The following BICD1 variants were observed in gnomAD, a reference collection of about 807,000 sequenced individuals.
The protein encoded by BICD1 is protein bicaudal D homolog 1.
In BICD1, 35 loss-of-function variants were observed where a neutral mutation model predicts 92.5. The ratio of observed to expected loss-of-function variants is 0.38; its 90% confidence interval spans 0.29 to 0.50. BICD1 has a LOEUF of 0.50. Among genes scored for constraint, BICD1 ranks in the 20% least tolerant of loss-of-function variants. The pLI is 0.93. For synonymous variants in BICD1, 429 were observed against 465.1 expected (o/e 0.92, Z 1.00); for missense variants, 950 against 1,189.8 (o/e 0.80, Z 2.97).
At chr12:32,346,584 GTGTATA>G (rs1180470824) in intron 8 of BICD1, among the ~76,000 whole-genome samples, 4 of 2,444 alleles carry the variant, frequency 1.6e-3, no homozygotes, top group African/African-American at 3.6e-3. Flanking sequence ...ATATATATAC[GTGTATA>G]TATATATATA....
intron 2 of BICD1, among the ~76,000 whole-genome samples, chr12:32,267,796 T>C (rs1947038773): frequency 6.6e-6 from 1 of 152,204 alleles, no homozygotes; most frequent in Non-Finnish European, 1.5e-5. Flanking sequence ...ATTGTCTGAC[T>C]ATCCTTTTTA....
intron 3 of BICD1, 64 bp downstream of exon 3, chr12:32,294,210 A>G (rs1360631248): frequency 9.8e-6 from 14 of 1,431,308 alleles, no homozygotes; most frequent in Non-Finnish European, 1.2e-5. Context: ...CACTAGGGTT[A>G]AATCTCCAAA....
At chr12:32,107,892 T>G in intron 1 of BICD1, 2 of 590,616 alleles carry the variant, frequency 3.4e-6, no homozygotes, top group Non-Finnish European at 6.0e-6. Flanking sequence ...CAAACCCAGG[T>G]TTCAGCGACA....
chr12:32,314,860 C>T (rs11051925), intron 4 of BICD1, among the ~76,000 whole-genome samples: 37,827 of 151,782 alleles, frequency 0.25, 5,134 homozygotes, highest in East Asian at 0.59. Flanking sequence ...AGCCTCAAAC[C>T]CCTGGACTCT....
intron 2 of BICD1, among the ~76,000 whole-genome samples, chr12:32,255,038 C>T (rs1163068664): frequency 3.9e-5 from 6 of 152,066 alleles, no homozygotes; most frequent in Admixed American, 2.6e-4. Flanking sequence ...ATTGATTTCT[C>T]ACAGTTCTGG....
chr12:32,372,393 T>C (rs1050218970), intron 9 of BICD1, among the ~76,000 whole-genome samples: 3 of 152,024 alleles, frequency 2.0e-5, no homozygotes, highest in African/African-American at 7.3e-5. Flanking sequence ...GGCAGGAGAA[T>C]CACTTGGAAC....
chr12:32,256,044 ATTG>A (rs1233822749), intron 2 of BICD1, among the ~76,000 whole-genome samples: 1 of 151,912 alleles, frequency 6.6e-6, no homozygotes, highest in Non-Finnish European at 1.5e-5. Context: ...TATTATAATT[ATTG>A]TTATTTTATT....
rs1555171213 is a variant in BICD1, at chr12:32,346,522, AT to A, written c.2764+7544del. ...ACAGAGTGAGACCCTGTCAAAAAAA[AT>A]ATATATATACGTGTATATATATATA... On this transcript the variant is annotated intron_variant, in intron 8 of 9. Transcript: ENST00000652176. Among the ~76,000 whole-genome samples, 625 of 102,458 alleles carry A rather than the reference AT, an allele frequency of 6.1e-3. 7 individuals carry two copies. Among genetic ancestry groups the A allele is most frequent in the Non-Finnish European group, 9.2e-3 (456 of 49,466 alleles). 67.2% of individuals were successfully genotyped at this position (102,458 alleles called of 152,430 possible). A position where few individuals can be genotyped will look rare whatever the true frequency, so the allele number is the denominator to read the frequency against.
intron 2 of BICD1, among the ~76,000 whole-genome samples, chr12:32,278,225 A>G (rs974655440): frequency 1.3e-5 from 2 of 152,182 alleles, no homozygotes; most frequent in African/African-American, 4.8e-5. Flanking sequence ...TTTCCATATA[A>G]TGAATTCTTT....
In BICD1 at chr12:32,337,108, A is replaced by G. The variant is rs1938161036; in HGVS notation, c.2253-391A>G. Reference sequence around the variant, plus strand: ...AAAAAAATACAAAAATTAGCTTGGCATGGTGGCACACTCCTGTAATTCCAG... The same window carrying G: ...AAAAAAATACAAAAATTAGCTTGGCGTGGTGGCACACTCCTGTAATTCCAG... On this transcript the variant is annotated intron_variant, in intron 6 of 9. Coordinates refer to ENST00000652176, the MANE Select transcript of BICD1 (RefSeq NM_001714.4). The surrounding 1 kb of genome is among the most constrained non-coding windows in gnomAD (Gnocchi z 4.7). Among the ~76,000 whole-genome samples the G allele has an allele frequency of 1.3e-5, 2 of 152,110 alleles. No homozygotes were observed.
At chr12:32,217,576 A>G (rs778960982) in intron 2 of BICD1, among the ~76,000 whole-genome samples, 37 of 152,222 alleles carry the variant, frequency 2.4e-4, no homozygotes, top group Non-Finnish European at 4.7e-4. Context: ...CAAATATAGC[A>G]ATATGACTTG....
intron 1 of BICD1, among the ~76,000 whole-genome samples, chr12:32,116,508 C>CTATATATATATATATATA (rs772917101): frequency 4.2e-5 from 4 of 94,218 alleles, no homozygotes; most frequent in Non-Finnish European, 8.4e-5. Context: ...CTCTCTCTCT[C>CTATATATATATATATATA]TCTATATATA....
In BICD1 at chr12:32,306,044, G is replaced by A. The variant is rs762037904; in HGVS notation, c.927G>A (p.Glu309=). Residue 309 remains glutamate (E), a synonymous_variant, in exon 4 of 10, where the codon GAG becomes GAA. Transcript: ENST00000652176. The part of the protein sequence containing the change: ...DYRTPTLRKG[E]SLNPVSDLFS... ...GGACTCCCACCTTAAGGAAAGGAGAGTCTCTGAACCCTGTCTCTGACTTAT... is the reference window on the plus strand; with the variant it reads ...GGACTCCCACCTTAAGGAAAGGAGAATCTCTGAACCCTGTCTCTGACTTAT... 3 of 1,614,136 alleles carry A rather than the reference G, an allele frequency of 1.9e-6. No homozygotes were observed. The highest frequency in any genetic ancestry group is 3.3e-5 in the Admixed American group (2 of 60,018).
At chr12:32,321,769 C>G (rs144166034) in intron 4 of BICD1, among the ~76,000 whole-genome samples, 10,192 of 152,164 alleles carry the variant, frequency 0.067, 493 homozygotes, top group Middle Eastern at 0.14. Context: ...GAGGCCAAGG[C>G]GGGTGGATCA....
chr12:32,383,347 T>C lies in BICD1; in HGVS notation c.*5720T>C, dbSNP rs1313999395. On this transcript the variant is annotated 3_prime_UTR_variant, in exon 10 of 10. Coordinates refer to ENST00000652176, the MANE Select transcript of BICD1 (RefSeq NM_001714.4). ...AAATGTTCTCAAAGACACATGCATT[T>C]ATTTTAAATTCAAAAAATTCTTATG... The C allele has an allele frequency of 6.6e-6, 1 of 152,222 alleles. No homozygotes were observed. The highest frequency in any genetic ancestry group is 1.9e-4 in the East Asian group (1 of 5,204). 9.4% of individuals were successfully genotyped at this position (152,222 alleles called of 1,614,324 possible). A position where few individuals can be genotyped will look rare whatever the true frequency, so the allele number is the denominator to read the frequency against.
chr12:32,374,725 G>T (rs1172908212), intron 9 of BICD1, among the ~76,000 whole-genome samples: 2 of 137,140 alleles, frequency 1.5e-5, no homozygotes, highest in African/African-American at 5.4e-5. Flanking sequence ...GTGCCACCAC[G>T]CCCGGCTAAT....
intron 9 of BICD1, among the ~76,000 whole-genome samples, chr12:32,377,140 G>A (rs944332029): frequency 2.0e-5 from 3 of 152,016 alleles, no homozygotes; most frequent in East Asian, 1.9e-4. Flanking sequence ...TTTATACTGA[G>A]CTCCCCAGGT....
At chr12:32,223,711 T>G (rs1945604226) in intron 2 of BICD1, among the ~76,000 whole-genome samples, 1 of 152,228 alleles carries the variant, frequency 6.6e-6, no homozygotes. Flanking sequence ...TTTGGCTAAC[T>G]TAGCTAACTT....
chr12:32,251,493 C>A (rs1045108047), intron 2 of BICD1, among the ~76,000 whole-genome samples: 5 of 19,128 alleles, frequency 2.6e-4, no homozygotes, highest in African/African-American at 4.6e-4. Flanking sequence ...AGGGAAGAAT[C>A]TTTTCCTTGC....
Sources: gnomAD v4.1 joint callset for allele counts (sites outside exome capture counted in the v4.1 genomes callset) on GRCh38, gnomAD v4.1.1 for gene constraint, Gnocchi (gnomAD v3.1) non-coding constraint, MANE v1.5 for transcripts, NCBI Gene and HGNC (gene_info 2026-07-23, HGNC 2026-07-21) for gene names.